Variants in WDR33 observed in about 807,000 individuals in gnomAD.
WDR33 encodes the protein pre-mRNA 3' end processing protein WDR33.
In WDR33, 47 loss-of-function variants were observed where a neutral mutation model predicts 164.9. That is an observed-to-expected ratio of 0.29 (90% CI 0.23 to 0.36). WDR33 has a LOEUF of 0.36. Ranked by LOEUF, WDR33 falls within the 10% of genes least tolerant of loss-of-function variation. WDR33 has a pLI of 1.00. For synonymous variants in WDR33, 505 were observed against 589.0 expected, an observed-to-expected ratio of 0.86 and a Z score of 2.06; for missense variants, 1,137 against 1,754.1, an observed-to-expected ratio of 0.65 and a Z score of 6.28.
chr2:127,712,043 A>C lies in WDR33; in HGVS notation c.3308+1540T>G, dbSNP rs1686194033. ...CACCTCGGCCTCCCAAAGTGCTGGG[A>C]TTACAAGCGTGAGCCACTGTGCCCG... On this transcript the variant is annotated intron_variant, in intron 18 of 21. Transcript: ENST00000322313. This position sits in a 1 kb window ranked among gnomAD's most constrained non-coding sequence, Gnocchi z 4.0. Among the ~76,000 whole-genome samples the C allele has an allele frequency of 6.6e-6, 1 of 150,538 alleles. No homozygotes were observed. The highest frequency in any genetic ancestry group is 1.5e-5 in the Non-Finnish European group (1 of 67,680).
At chr2:127,742,827 G>A (rs1687056050) in intron 7 of WDR33, among the ~76,000 whole-genome samples, 2 of 143,638 alleles carry the variant, frequency 1.4e-5, no homozygotes, top group Admixed American at 7.0e-5. Flanking sequence ...CAAGAAAGAT[G>A]AAGTTTAAAA....
At chr2:127,742,866 A>C (rs866018624) in intron 7 of WDR33, among the ~76,000 whole-genome samples, 1 of 150,946 alleles carries the variant, frequency 6.6e-6, no homozygotes, top group South Asian at 2.1e-4. Context: ...CAGTTAAAAA[A>C]AAAAAAACAA....
rs188605913 is a variant in WDR33 at position 127,810,152 on chromosome 2, C to T, written c.-24+860G>A. 1.0e-3 allele frequency among the ~76,000 whole-genome samples: 157 copies of T among 152,270 alleles called. 1 individual carries two copies. Among genetic ancestry groups the T allele is most frequent in the African/African-American group, 3.5e-3 (145 of 41,544 alleles). On this transcript the variant is annotated intron_variant, in intron 1 of 21. Transcript: ENST00000322313. ...AAGTCTACGCTCCCCAGAGTTGTTCCTTTCAGTGCAGGCTTTTTGTTCATA... is the reference window on the plus strand; with the variant it reads ...AAGTCTACGCTCCCCAGAGTTGTTCTTTTCAGTGCAGGCTTTTTGTTCATA...
rs1573882369 is a variant in WDR33, at chr2:127,716,652, T to C, written c.2869+503A>G. 6.6e-6 allele frequency among the ~76,000 whole-genome samples: 1 copy of C among 152,216 alleles called. No individual in the cohort carries two copies. The highest frequency in any genetic ancestry group is 6.5e-5 in the Admixed American group (1 of 15,282). On this transcript the variant is annotated intron_variant, in intron 17 of 21. Coordinates refer to ENST00000322313, the MANE Select transcript of WDR33 (RefSeq NM_018383.5). This position sits in a 1 kb window ranked among gnomAD's most constrained non-coding sequence, Gnocchi z 4.5. Reference sequence around the variant, plus strand: ...CTAAATACTAATCATTCTCATCTCTTTCCTTTTCATATCAACAACCTGAGG... The same window carrying C: ...CTAAATACTAATCATTCTCATCTCTCTCCTTTTCATATCAACAACCTGAGG...
chr2:127,782,132 C>T (rs1458647127), intron 1 of WDR33, among the ~76,000 whole-genome samples: 6 of 150,884 alleles, frequency 4.0e-5, no homozygotes, highest in African/African-American at 1.5e-4. Context: ...TTCAGCCGGG[C>T]GCAGTGGCTC....
chr2:127,752,346 T>C (rs965856858), intron 7 of WDR33, among the ~76,000 whole-genome samples: 1 of 150,654 alleles, frequency 6.6e-6, no homozygotes, highest in African/African-American at 2.4e-5. Context: ...ATCCCAGCAC[T>C]TTGGGAGGCC....
In WDR33 at chr2:127,721,921, A is replaced by G. The variant is rs780507126; in HGVS notation, c.1586T>C (p.Ile529Thr). The G allele has an allele frequency of 1.2e-6, 2 of 1,613,774 alleles. No homozygotes were observed. Among genetic ancestry groups the G allele is most frequent in the Non-Finnish European group, 1.7e-6 (2 of 1,179,968 alleles). The stretch of plus-strand genomic sequence containing the variant: ...TGTTTTTTTCTTCTCTTCCAATTTA[A>G]TGTCTTCTTTTCTGTCATTCAGCAC... ...NEVLNDRKED[I>T]KLEEKKKTQA... Residue 529 changes from isoleucine to threonine, a missense_variant, in exon 15 of 22, where the codon ATT becomes ACT. Around this residue, in one of 9 missense-constraint regions of WDR33, gnomAD observed 75 missense variants for 124.7 expected, o/e 0.60. Transcript: ENST00000322313. The surrounding 1 kb of genome is among the most constrained non-coding windows in gnomAD (Gnocchi z 4.9).
chr2:127,711,780 A>ATATTTTTTTTTTTTTTTTTTTTT, intron 18 of WDR33, among the ~76,000 whole-genome samples: 1 of 88,306 alleles, frequency 1.1e-5, no homozygotes, highest in African/African-American at 6.5e-5. Context: ...ATATATATAT[A>ATATTTTTTTTTTTTTTTTTTTTT]TTTTTTTTTT....
chr2:127,780,366 C>A (rs1348851235), intron 1 of WDR33, among the ~76,000 whole-genome samples: 2 of 152,170 alleles, frequency 1.3e-5, no homozygotes, highest in Non-Finnish European at 2.9e-5. Flanking sequence ...GATAATCAAT[C>A]TACTCTAAAA....
chr2:127,789,912 T>G (rs1688785841), intron 1 of WDR33, among the ~76,000 whole-genome samples: 1 of 151,450 alleles, frequency 6.6e-6, no homozygotes, highest in South Asian at 2.1e-4. Flanking sequence ...CTCGGCTCAC[T>G]GCAGCCTCCG....
chr2:127,744,790 A>C (rs954547318), intron 7 of WDR33, among the ~76,000 whole-genome samples: 1 of 152,150 alleles, frequency 6.6e-6, no homozygotes, highest in Non-Finnish European at 1.5e-5. Flanking sequence ...TCCATATGGC[A>C]TATTGTGTAG....
chr2:127,719,916 A>C lies in WDR33; in HGVS notation c.2109T>G (p.Gly703=), dbSNP rs759259969. ...CAGGTGGACCCTGAGGACCCATATGACCTTGAGGACCAGAACTACCTTGTG... is the reference window on the plus strand; with the variant it reads ...CAGGTGGACCCTGAGGACCCATATGCCCTTGAGGACCAGAACTACCTTGTG... ...PGPQGSSGPQ[G]HMGPQGPPGP... The change falls in exon 16 of 22, where the codon GGT becomes GGG. Residue 703 remains glycine, a synonymous_variant. Transcript: ENST00000322313. This position sits in a 1 kb window ranked among gnomAD's most constrained non-coding sequence, Gnocchi z 6.5. The C allele has an allele frequency of 2.5e-6, 4 of 1,613,656 alleles. No individual in the cohort carries two copies. Among genetic ancestry groups the C allele is most frequent in the Non-Finnish European group, 3.4e-6 (4 of 1,179,910 alleles).
intron 7 of WDR33, among the ~76,000 whole-genome samples, chr2:127,745,855 T>C (rs552426072): frequency 6.6e-6 from 1 of 151,928 alleles, no homozygotes; most frequent in South Asian, 2.1e-4. Flanking sequence ...TCAAATATAT[T>C]ATCTATTCAA....
intron 7 of WDR33, among the ~76,000 whole-genome samples, chr2:127,759,473 G>A (rs575607157): frequency 1.8e-4 from 28 of 151,516 alleles, no homozygotes; most frequent in Admixed American, 1.6e-3. Context: ...CATGGATCAC[G>A]TGAGGTCAGC....
chr2:127,766,879 CCT>C (rs905168431), intron 4 of WDR33, among the ~76,000 whole-genome samples: 11 of 152,092 alleles, frequency 7.2e-5, no homozygotes, highest in Non-Finnish European at 1.2e-4. Context: ...AAGTGATTCC[CCT>C]GTCTCAGCCT....
At position 127,719,274 on chromosome 2, in the gene WDR33, G is replaced by A. The variant is rs535673788; in HGVS notation, c.2751C>T (p.Pro917=). The A allele has an allele frequency of 1.0e-5, 15 of 1,430,044 alleles. No individual in the cohort carries two copies. The African/African-American group carries it at 1.9e-4, about 18-fold the overall frequency. The allele number at this position is 1,430,044 out of a possible 1,614,324, so 88.6% of individuals were successfully genotyped here. ...TPLLGDGPRA[P]FNQEGQSTGP... ...TGGAAATGAATAATACCTGGTTGAA[G>A]GGGGCCCGGGGCCCATCACCTAGCA... The change falls in exon 16 of 22, where the codon CCC becomes CCT. Residue 917 remains proline, a synonymous_variant. Transcript: ENST00000322313. This position sits in a 1 kb window ranked among gnomAD's most constrained non-coding sequence, Gnocchi z 6.5.
rs1686140912 is a variant in WDR33 at position 127,710,754 on chromosome 2, T to C, written c.3309-898A>G. Among the ~76,000 whole-genome samples the C allele has an allele frequency of 6.6e-6, 1 of 152,156 alleles. No homozygotes were observed. Among genetic ancestry groups the C allele is most frequent in the Admixed American group, 6.5e-5 (1 of 15,280 alleles). On this transcript the variant is annotated intron_variant, in intron 18 of 21. Coordinates refer to ENST00000322313, the MANE Select transcript of WDR33 (RefSeq NM_018383.5). This position sits in a 1 kb window ranked among gnomAD's most constrained non-coding sequence, Gnocchi z 4.4. Reference sequence around the variant, plus strand: ...GCAGGGCCCCTCTGCATGAGCTGCATGGCCTCCTCCCAGGCCAGGCCTCTG... The same window carrying C: ...GCAGGGCCCCTCTGCATGAGCTGCACGGCCTCCTCCCAGGCCAGGCCTCTG...
In WDR33 at chr2:127,709,685, T is replaced by C. The variant is rs767512785; in HGVS notation, c.3472+8A>G. The C allele has an allele frequency of 1.9e-6, 3 of 1,614,200 alleles. No homozygotes were observed. Among genetic ancestry groups the C allele is most frequent in the East Asian group, 4.5e-5 (2 of 44,890 alleles). On this transcript the variant is annotated splice_region_variant and intron_variant, in intron 19 of 21. Coordinates refer to ENST00000322313, the MANE Select transcript of WDR33 (RefSeq NM_018383.5). The surrounding 1 kb of genome is among the most constrained non-coding windows in gnomAD (Gnocchi z 5.0). ...TTCCAGACCAGGTGTCTTTAGTAAC[T>C]CGCTCACCTCGTGGGGTACCCCGAC...
chr2:127,787,568 G>A (rs1320469935), intron 1 of WDR33, among the ~76,000 whole-genome samples: 2 of 105,008 alleles, frequency 1.9e-5, no homozygotes, highest in East Asian at 3.0e-4. Context: ...CGGACGGGGC[G>A]GCTGGCCGGG....
Sources: allele counts gnomAD v4.1 joint callset (sites outside exome capture counted in the v4.1 genomes callset), GRCh38; gene constraint gnomAD v4.1.1; regional missense constraint gnomAD v4.1.1; non-coding constraint Gnocchi (gnomAD v3.1); transcripts MANE v1.5; gene names NCBI Gene and HGNC (gene_info 2026-07-23, HGNC 2026-07-21).